The following ATP8A2 variants were observed in gnomAD, a reference collection of about 807,000 sequenced individuals.
ATP8A2 encodes ATPase phospholipid transporting 8A2.
A neutral mutation model predicts 165.6 loss-of-function variants in ATP8A2; 100 were observed. That is an observed-to-expected ratio of 0.60 (90% CI 0.51 to 0.71). ATP8A2 has a LOEUF of 0.71. ATP8A2 is among the 30% of genes least tolerant of loss of function. The probability of loss-of-function intolerance (pLI) is 0.00; values close to 1 mark genes in which losing one functional copy is unlikely to be tolerated. For synonymous variants in ATP8A2, 543 were observed against 548.8 expected, an observed-to-expected ratio of 0.99 and a Z score of 0.15; for missense variants, 1,227 against 1,479.5, an observed-to-expected ratio of 0.83 and a Z score of 2.80.
chr13:25,454,742 T>C (rs528658813), intron 1 of ATP8A2, among the ~76,000 whole-genome samples: 1 of 152,200 alleles, frequency 6.6e-6, no homozygotes, highest in Admixed American at 6.5e-5. Flanking sequence ...ACCAACGTGG[T>C]GAAACCCCGT....
At chr13:25,495,449 G>T (rs578100998) in intron 2 of ATP8A2, among the ~76,000 whole-genome samples, 40 of 151,826 alleles carry the variant, frequency 2.6e-4, no homozygotes, top group African/African-American at 9.4e-4. Flanking sequence ...CTACCTATTT[G>T]GTTTTTTGGT....
At chr13:25,502,313 T>C (rs1427866395) in intron 2 of ATP8A2, among the ~76,000 whole-genome samples, 3 of 152,228 alleles carry the variant, frequency 2.0e-5, no homozygotes, top group African/African-American at 4.8e-5. Context: ...CGGGAGCTAT[T>C]TGGCTACATA....
chr13:25,705,907 T>C lies in ATP8A2; in HGVS notation c.2384+6562T>C, dbSNP rs149251410. ...TTTTTAAAAGCATAATGGTGTTCTG[T>C]TATATGAAAACACAGCAATTAATTT... On this transcript the variant is annotated intron_variant, in intron 25 of 36. Coordinates refer to ENST00000381655, the MANE Select transcript of ATP8A2 (RefSeq NM_016529.6). Among the ~76,000 whole-genome samples the C allele has an allele frequency of 2.4e-3, 371 of 152,334 alleles. 2 individuals are homozygous for C. Among genetic ancestry groups the C allele is most frequent in the African/African-American group, 8.4e-3 (350 of 41,572 alleles).
intron 30 of ATP8A2, among the ~76,000 whole-genome samples, chr13:25,842,447 G>C (rs182057350): frequency 6.6e-6 from 1 of 152,278 alleles, no homozygotes; most frequent in Non-Finnish European, 1.5e-5. Context: ...GGCAGAGGTG[G>C]GTGGATCACC....
intron 23 of ATP8A2, 70 bp downstream of exon 23, chr13:25,582,027 G>A (rs2039791713): frequency 3.6e-6 from 5 of 1,392,754 alleles, no homozygotes; most frequent in Non-Finnish European, 4.0e-6. Context: ...TTTTAAATGT[G>A]TCTAAATGTT....
rs573189453 is a variant in ATP8A2 at position 25,892,256 on chromosome 13, G to T, written c.3183+29848G>T. On this transcript the variant is annotated intron_variant, in intron 33 of 36. Coordinates refer to ENST00000381655, the MANE Select transcript of ATP8A2 (RefSeq NM_016529.6). ...CCTCCAAAGTGCTGGGATTACAGGT[G>T]TGAGCCACTGCGCCTGGCACCTTTT... Among the ~76,000 whole-genome samples, 54 of 152,238 alleles carry T rather than the reference G, an allele frequency of 3.5e-4. 1 individual carries two copies. The highest frequency in any genetic ancestry group is 1.1e-3 in the African/African-American group (47 of 41,538).
At chr13:25,713,266 T>C (rs3132343) in intron 25 of ATP8A2, among the ~76,000 whole-genome samples, 36,866 of 152,178 alleles carry the variant, frequency 0.24, 6,705 homozygotes, top group African/African-American at 0.51. Flanking sequence ...GTGTAACAAA[T>C]GTCATCGTTC....
At chr13:25,867,333 G>C (rs954258983) in intron 33 of ATP8A2, among the ~76,000 whole-genome samples, 1 of 152,044 alleles carries the variant, frequency 6.6e-6, no homozygotes, top group Non-Finnish European at 1.5e-5. Flanking sequence ...AGCAGGCCTA[G>C]GTATGTTCCA....
intron 24 of ATP8A2, among the ~76,000 whole-genome samples, chr13:25,624,275 T>C (rs2041048620): frequency 6.6e-6 from 1 of 152,148 alleles, no homozygotes; most frequent in Non-Finnish European, 1.5e-5. Context: ...TTGGCAGAGA[T>C]GGTGGGTTAA....
At chr13:25,755,137 T>C (rs1363957598) in intron 25 of ATP8A2, among the ~76,000 whole-genome samples, 1 of 152,206 alleles carries the variant, frequency 6.6e-6, no homozygotes, top group Non-Finnish European at 1.5e-5. Context: ...ATGTTTGTAA[T>C]TTATTCTTGT....
chr13:25,446,513 G>C (rs935646432), intron 1 of ATP8A2, among the ~76,000 whole-genome samples: 12 of 152,048 alleles, frequency 7.9e-5, no homozygotes, highest in Non-Finnish European at 7.4e-5. Flanking sequence ...CTTCTGCCTA[G>C]GGTTCCAAAG....
At chr13:25,432,329 G>T (rs574353439) in intron 1 of ATP8A2, among the ~76,000 whole-genome samples, 1 of 152,268 alleles carries the variant, frequency 6.6e-6, no homozygotes, top group Non-Finnish European at 1.5e-5. Flanking sequence ...GGTGCTCATG[G>T]CCAGAAAACA....
At chr13:25,738,661 C>A (rs923267043) in intron 25 of ATP8A2, among the ~76,000 whole-genome samples, 1 of 152,212 alleles carries the variant, frequency 6.6e-6, no homozygotes, top group Non-Finnish European at 1.5e-5. Context: ...CACAGTTTCT[C>A]AATTTACATA....
rs555314174 is a variant in ATP8A2, at chr13:25,882,938, ATGG to A, written c.3183+20533_3183+20535del. ...GATGATGATGATGATGATGATGATG[ATGG>A]TGATGGTGATGATGGTGATGGTGAT... On this transcript the variant is annotated intron_variant, in intron 33 of 36. Transcript: ENST00000381655. Among the ~76,000 whole-genome samples, 141 of 146,708 alleles carry A rather than the reference ATGG, an allele frequency of 9.6e-4. 2 individuals carry two copies. Among genetic ancestry groups the A allele is most frequent in the South Asian group, 3.8e-3 (17 of 4,510 alleles).
intron 25 of ATP8A2, among the ~76,000 whole-genome samples, chr13:25,744,842 T>A (rs1277814461): frequency 6.6e-6 from 1 of 152,202 alleles, no homozygotes; most frequent in Non-Finnish European, 1.5e-5. Flanking sequence ...GAAAGGACCT[T>A]AAATGTATTT....
chr13:25,379,988 G>A (rs915953923), intron 1 of ATP8A2, among the ~76,000 whole-genome samples: 3 of 152,172 alleles, frequency 2.0e-5, no homozygotes, highest in Admixed American at 1.3e-4. Context: ...AGACACCAGC[G>A]TGGGCAGGCA....
intron 2 of ATP8A2, among the ~76,000 whole-genome samples, chr13:25,470,330 A>G (rs914887521): frequency 3.3e-5 from 5 of 152,210 alleles, no homozygotes; most frequent in Admixed American, 2.0e-4. Context: ...CTGAGTCCCC[A>G]TTTCAGAATG....
chr13:25,494,708 C>A (rs1408092079), intron 2 of ATP8A2, among the ~76,000 whole-genome samples: 2 of 152,220 alleles, frequency 1.3e-5, no homozygotes, highest in Non-Finnish European at 2.9e-5. Flanking sequence ...TTTGAAGCTT[C>A]TGACATTTTT....
intron 27 of ATP8A2, among the ~76,000 whole-genome samples, chr13:25,801,285 GCTGT>G (rs1404892379): frequency 1.3e-5 from 2 of 152,234 alleles, no homozygotes; most frequent in African/African-American, 4.8e-5. Context: ...AGTCTTATGG[GCTGT>G]CTAGACTCGC....
Sources: allele counts gnomAD v4.1 joint callset (sites outside exome capture counted in the v4.1 genomes callset), GRCh38; gene constraint gnomAD v4.1.1; transcripts MANE v1.5; gene names NCBI Gene and HGNC (gene_info 2026-07-23, HGNC 2026-07-21).